Variants in ASIC2 observed in about 807,000 individuals in gnomAD.
ASIC2 encodes acid sensing ion channel subunit 2.
ASIC2 carries 25 observed loss-of-function variants against 57.3 expected under a neutral mutation model. The observed-to-expected ratio is 0.44, with a 90% confidence interval of 0.32 to 0.61. ASIC2 has a LOEUF of 0.61. Among genes scored for constraint, ASIC2 ranks in the 20% least tolerant of loss-of-function variants. The pLI is 0.06. For synonymous variants in ASIC2, 319 were observed against 307.5 expected (o/e 1.04, Z -0.39); for missense variants, 641 against 738.1 (o/e 0.87, Z 1.52).
At chr17:34,038,656 C>T (rs1290989935) in intron 1 of ASIC2, 2 of 1,588,434 alleles carry the variant, frequency 1.3e-6, no homozygotes, top group Non-Finnish European at 1.7e-6. Flanking sequence ...TTTCTAGCCT[C>T]TCCAGCTCTG....
Position 33,775,831 on chromosome 17 carries a change from G to A in ASIC2, c.555+380147C>T, listed in dbSNP as rs910557531. Among the ~76,000 whole-genome samples, 39 of 152,248 alleles carry A rather than the reference G, an allele frequency of 2.6e-4. 1 individual carries two copies. The highest frequency in any genetic ancestry group is 9.1e-4 in the African/African-American group (38 of 41,540). On this transcript the variant is annotated intron_variant, in intron 1 of 9. Coordinates refer to the ASIC2 transcript ENST00000359872. ...ACCTTCAGTGATTCCTATAGGGTTG[G>A]TGTTATAGACTGAATGTCAGACTGG...
intron 1 of ASIC2, among the ~76,000 whole-genome samples, chr17:33,590,995 GC>G (rs1483397742): frequency 6.6e-6 from 1 of 152,192 alleles, no homozygotes; most frequent in Non-Finnish European, 1.5e-5. Flanking sequence ...TGGGGTCTTA[GC>G]CTTCAGTCTG....
At chr17:33,852,404 T>C (rs571450446) in intron 1 of ASIC2, among the ~76,000 whole-genome samples, 3 of 152,254 alleles carry the variant, frequency 2.0e-5, no homozygotes, top group East Asian at 3.9e-4. Context: ...GCTGACCACC[T>C]ACTTCAGGTC....
intron 1 of ASIC2, among the ~76,000 whole-genome samples, chr17:33,586,157 C>T (rs1484432541): frequency 1.3e-5 from 2 of 152,150 alleles, no homozygotes; most frequent in East Asian, 1.9e-4. Flanking sequence ...TGGCTCCTGG[C>T]GCAAAGTCAC....
At chr17:33,262,166 G>A (rs1486866914) in intron 1 of ASIC2, among the ~76,000 whole-genome samples, 3 of 152,136 alleles carry the variant, frequency 2.0e-5, no homozygotes, top group Non-Finnish European at 2.9e-5. Context: ...AAGACTGCCC[G>A]GATGACCACC....
intron 1 of ASIC2, among the ~76,000 whole-genome samples, chr17:33,596,210 C>CCT (rs761969541): frequency 1.3e-5 from 2 of 152,138 alleles, no homozygotes; most frequent in Non-Finnish European, 2.9e-5. Context: ...TGGTTCTCTT[C>CCT]CTCTCTCTCT....
At chr17:34,012,497 T>C (rs1906806422) in intron 1 of ASIC2, among the ~76,000 whole-genome samples, 1 of 152,212 alleles carries the variant, frequency 6.6e-6, no homozygotes, top group Non-Finnish European at 1.5e-5. Flanking sequence ...CCTGTGATTC[T>C]TGGTCTGCTT....
chr17:33,968,520 A>C (rs1905135878), intron 1 of ASIC2, among the ~76,000 whole-genome samples: 1 of 152,204 alleles, frequency 6.6e-6, no homozygotes. Flanking sequence ...AAACCATCAC[A>C]TGGAAAGCCC....
At chr17:33,848,470 G>A (rs1368625166) in intron 1 of ASIC2, among the ~76,000 whole-genome samples, 2 of 152,146 alleles carry the variant, frequency 1.3e-5, no homozygotes, top group Non-Finnish European at 2.9e-5. Context: ...AAGCAACAGA[G>A]GACAGGCACT....
intron 1 of ASIC2, among the ~76,000 whole-genome samples, chr17:33,602,857 A>T (rs991988847): frequency 6.6e-6 from 1 of 151,646 alleles, no homozygotes; most frequent in African/African-American, 2.4e-5. Flanking sequence ...ATGAAGTTCA[A>T]CTCTTTCTCT....
At chr17:33,151,264 C>T (rs1342697000) in intron 1 of ASIC2, among the ~76,000 whole-genome samples, 5 of 150,744 alleles carry the variant, frequency 3.3e-5, no homozygotes, top group Admixed American at 2.6e-4. Context: ...GTCTCAGCTA[C>T]TCTGGAGGCT....
chr17:33,170,780 C>T (rs1905484922), intron 1 of ASIC2, among the ~76,000 whole-genome samples: 4 of 152,230 alleles, frequency 2.6e-5, no homozygotes, highest in Non-Finnish European at 5.9e-5. Flanking sequence ...CCTCATCAGA[C>T]ACATTTCTAC....
chr17:33,178,641 G>A (rs1313718692), intron 1 of ASIC2, among the ~76,000 whole-genome samples: 1 of 152,192 alleles, frequency 6.6e-6, no homozygotes, highest in African/African-American at 2.4e-5. Context: ...AGTGTGCAGT[G>A]GGCGTGCTAT....
At chr17:33,570,215 TGTG>T (rs1337351834) in intron 1 of ASIC2, among the ~76,000 whole-genome samples, 2 of 152,236 alleles carry the variant, frequency 1.3e-5, no homozygotes, top group African/African-American at 4.8e-5. Context: ...TTTTTATAAA[TGTG>T]GTCTTTCTCC....
intron 1 of ASIC2, among the ~76,000 whole-genome samples, chr17:33,466,220 GA>G (rs1912858644): frequency 6.6e-6 from 1 of 152,152 alleles, no homozygotes; most frequent in African/African-American, 2.4e-5. Flanking sequence ...GCCAAATCAT[GA>G]GTGAACTCCC....
At chr17:33,341,469 T>C (rs1907719086) in intron 1 of ASIC2, among the ~76,000 whole-genome samples, 2 of 151,134 alleles carry the variant, frequency 1.3e-5, no homozygotes, top group Non-Finnish European at 2.9e-5. Flanking sequence ...ACAGCCACGC[T>C]CATTTGTTTA....
intron 1 of ASIC2, among the ~76,000 whole-genome samples, chr17:33,778,429 A>G (rs1245427175): frequency 6.6e-6 from 1 of 152,098 alleles, no homozygotes; most frequent in Non-Finnish European, 1.5e-5. Context: ...TAGGCAAAAA[A>G]ACAATTTTGT....
chr17:33,717,619 T>C (rs1397287068), intron 1 of ASIC2, among the ~76,000 whole-genome samples: 3 of 152,208 alleles, frequency 2.0e-5, no homozygotes, highest in African/African-American at 7.2e-5. Context: ...TGGCTTCCTC[T>C]GACAGAGAGC....
intron 3 of ASIC2, among the ~76,000 whole-genome samples, chr17:33,046,254 G>A (rs916096599): frequency 6.6e-6 from 1 of 152,176 alleles, no homozygotes; most frequent in Non-Finnish European, 1.5e-5. Context: ...GTATAAATTG[G>A]CTTCCATTCA....
Sources: allele counts gnomAD v4.1 joint callset (sites outside exome capture counted in the v4.1 genomes callset), GRCh38; gene constraint gnomAD v4.1.1; transcripts MANE v1.5; gene names NCBI Gene and HGNC (gene_info 2026-07-23, HGNC 2026-07-21).